Variants in ASPSCR1 observed in about 807,000 individuals in gnomAD.
ASPSCR1 encodes the protein tether containing UBX domain for GLUT4.
In ASPSCR1, 55 loss-of-function variants were observed where a neutral mutation model predicts 68.9. The ratio of observed to expected loss-of-function variants is 0.80; its 90% confidence interval spans 0.64 to 1.00. The LOEUF is 1.00. ASPSCR1 is among the 50% of genes least tolerant of loss of function. The pLI, the probability that ASPSCR1 is intolerant of heterozygous loss-of-function variation, is 0.00. For synonymous variants in ASPSCR1, 352 were observed against 332.6 expected, an observed-to-expected ratio of 1.06 and a Z score of -0.63; for missense variants, 765 against 762.2, an observed-to-expected ratio of 1.00 and a Z score of -0.04.
Position 81,999,608 on chromosome 17 carries a change from C to CA in ASPSCR1, c.933+2763dup. On this transcript the variant is annotated intron_variant, in intron 7 of 15. Transcript: ENST00000306739. This position sits in a 1 kb window ranked among gnomAD's most constrained non-coding sequence, Gnocchi z 4.4. ...TGCCACTGCACTCCAGCCCGGGTGACAGAGTGAAACTCCATCTCAAAAAAA... is the reference window on the plus strand; with the variant it reads ...TGCCACTGCACTCCAGCCCGGGTGACAAGAGTGAAACTCCATCTCAAAAAAA... Among the ~76,000 whole-genome samples the CA allele has an allele frequency of 6.9e-6, 1 of 145,082 alleles. No individual in the cohort carries two copies. Among genetic ancestry groups the CA allele is most frequent in the African/African-American group, 2.6e-5 (1 of 38,958 alleles).
At chr17:82,003,439 C>T (rs575741722) in intron 7 of ASPSCR1, among the ~76,000 whole-genome samples, 59 of 152,372 alleles carry the variant, frequency 3.9e-4, no homozygotes, top group African/African-American at 1.4e-3. Context: ...CAGAGCGAGA[C>T]GCTGTCTCAA....
At position 82,017,033 on chromosome 17, in the gene ASPSCR1, TC is replaced by T. The variant is rs770691166; in HGVS notation, c.1574del (p.Pro525LeufsTer11). 3 of 1,612,064 alleles carry T rather than the reference TC, an allele frequency of 1.9e-6. No individual in the cohort carries two copies. The South Asian group carries it at 3.3e-5, about 18-fold the overall frequency. ...CCAGCTGCTGAGGAGGGGGCGCTGGTCCCCCCTGAGCCCATCCCAGGGACGG... is the reference window on the plus strand; with the variant it reads ...CCAGCTGCTGAGGAGGGGGCGCTGGTCCCCCTGAGCCCATCCCAGGGACGG... Reference protein sequence around the residue: ...SEPAAEEGALVPPEPIPGTAQ... With the variant: ...SEPAAEEGALXPPEPIPGTAQ... On this transcript the variant is annotated frameshift_variant, in exon 15 of 16. Transcript: ENST00000306739. LOFTEE classifies it high-confidence loss of function.
intron 5 of ASPSCR1, among the ~76,000 whole-genome samples, chr17:81,995,717 C>A (rs1037372585): frequency 9.8e-5 from 15 of 152,362 alleles, no homozygotes; most frequent in Admixed American, 9.8e-4. Flanking sequence ...CTCTGCCAGC[C>A]CAGGCCTCAG....
Position 82,015,557 on chromosome 17 carries a change from G to A in ASPSCR1, c.1354-919G>A, listed in dbSNP as rs543909174. 7.0e-5 allele frequency: 50 copies of A among 715,506 alleles called. 1 individual carries two copies. In the South Asian group the frequency reaches 7.6e-4, roughly 11 times the overall value. The allele number at this position is 715,506 out of a possible 1,614,324, so 44.3% of individuals were successfully genotyped here. A position where few individuals can be genotyped will look rare whatever the true frequency, so the allele number is the denominator to read the frequency against. On this transcript the variant is annotated intron_variant, in intron 12 of 15. Coordinates refer to ENST00000306739, the MANE Select transcript of ASPSCR1 (RefSeq NM_024083.4). ...TGAGAACCAGGTGCCTCTCTGCATCGGTGGCCTCTGAGGGAGCCCTCTCGC... is the reference window on the plus strand; with the variant it reads ...TGAGAACCAGGTGCCTCTCTGCATCAGTGGCCTCTGAGGGAGCCCTCTCGC...
chr17:81,990,375 G>A lies in ASPSCR1; in HGVS notation c.375-4446G>A, dbSNP rs1425733540. ...ACAGAGGCTGCACACTGCTGGCTTC[G>A]AGCTTTCCCATTTTCCCTATAGTCT... is the stretch of plus-strand genomic sequence containing the variant. On this transcript the variant is annotated intron_variant, in intron 4 of 15. Transcript: ENST00000306739. This position sits in a 1 kb window ranked among gnomAD's most constrained non-coding sequence, Gnocchi z 4.1. 1.3e-5 allele frequency among the ~76,000 whole-genome samples: 2 copies of A among 152,172 alleles called. No individual in the cohort carries two copies. Among genetic ancestry groups the A allele is most frequent in the Non-Finnish European group, 2.9e-5 (2 of 68,034 alleles).
At chr17:81,996,308 C>G (rs573578597) in intron 6 of ASPSCR1, 112 bp from the exon 7 acceptor site, 2 of 1,210,908 alleles carry the variant, frequency 1.7e-6, no homozygotes, top group Non-Finnish European at 2.1e-6. Context: ...GAGGGTGAAC[C>G]GGGGGCGGGA....
At chr17:81,985,416 A>G in intron 3 of ASPSCR1, 91 bp from the exon 4 acceptor site, 1 of 1,374,550 alleles carries the variant, frequency 7.3e-7, no homozygotes. Flanking sequence ...CGGGGCAGTC[A>G]CCCTCTCTGT....
chr17:82,014,844 G>A (rs952287751), intron 12 of ASPSCR1: 1 of 596,336 alleles, frequency 1.7e-6, no homozygotes. Flanking sequence ...TGGGGCCCCA[G>A]TGTCCTGGGC....
intron 12 of ASPSCR1, chr17:82,015,455 C>T (rs2043090434): frequency 7.0e-7 from 1 of 1,420,150 alleles, no homozygotes; most frequent in African/African-American, 1.4e-5. Context: ...TCCTGGTGTT[C>T]CCGAGTCCTG....
chr17:82,001,377 G>A (rs2042524839), intron 7 of ASPSCR1, among the ~76,000 whole-genome samples: 1 of 152,180 alleles, frequency 6.6e-6, no homozygotes, highest in African/African-American at 2.4e-5. Flanking sequence ...TGGCCAGGGT[G>A]GCCCAGGTCC....
chr17:81,992,236 C>T (rs1045763529), intron 4 of ASPSCR1, among the ~76,000 whole-genome samples: 1 of 152,132 alleles, frequency 6.6e-6, no homozygotes, highest in South Asian at 2.1e-4. Context: ...CAGAGGTCTG[C>T]GTGGGGGAGG....
chr17:82,001,175 C>T (rs1227158062), intron 7 of ASPSCR1, among the ~76,000 whole-genome samples: 7 of 152,266 alleles, frequency 4.6e-5, no homozygotes, highest in East Asian at 3.9e-4. Flanking sequence ...GGGCCTGGAG[C>T]GGGTCATGCA....
chr17:82,013,763 G>A (rs919803102), intron 12 of ASPSCR1: 15 of 153,490 alleles, frequency 9.8e-5, no homozygotes, highest in Non-Finnish European at 1.6e-4. Context: ...AGGCGGCCAG[G>A]AGTGAGGACA....
chr17:81,996,916 A>AGC, intron 7 of ASPSCR1, 70 bp downstream of exon 7: 1 of 1,516,672 alleles, frequency 6.6e-7, no homozygotes. Flanking sequence ...GCGTGGCTTT[A>AGC]GCTGGTCAGC....
intron 7 of ASPSCR1, among the ~76,000 whole-genome samples, chr17:82,000,440 C>T (rs538128259): frequency 8.5e-5 from 13 of 152,284 alleles, no homozygotes; most frequent in African/African-American, 2.9e-4. Context: ...CTGCCTGCCC[C>T]GCGCCTCCCA....
In ASPSCR1 at chr17:81,990,152, TAACTC is replaced by T. The variant is rs2042114105; in HGVS notation, c.374+4547_374+4551del. On this transcript the variant is annotated intron_variant, in intron 4 of 15. Coordinates refer to ENST00000306739, the MANE Select transcript of ASPSCR1 (RefSeq NM_024083.4). The surrounding 1 kb of genome is among the most constrained non-coding windows in gnomAD (Gnocchi z 4.1). Reference sequence around the variant, plus strand: ...CATTAATTTTAGTAATACGTGTAGTTAACTCAGTATACCCAAAATACGACTTCCTG... The same window carrying T: ...CATTAATTTTAGTAATACGTGTAGTTAGTATACCCAAAATACGACTTCCTG... Among the ~76,000 whole-genome samples, 1 of 152,200 alleles carries T rather than the reference TAACTC, an allele frequency of 6.6e-6. No homozygotes were observed.
Position 81,977,825 on chromosome 17 carries a change from G to A in ASPSCR1, c.102+77G>A. On this transcript the variant is annotated intron_variant, in intron 1 of 15. Coordinates refer to ENST00000306739, the MANE Select transcript of ASPSCR1 (RefSeq NM_024083.4). This position sits in a 1 kb window ranked among gnomAD's most constrained non-coding sequence, Gnocchi z 5.0. ...CGAGGCCCCGCCCATTGCGGTCGGC[G>A]TCCCGGTGTTCGGGGGCGGGGCCTC... 1 of 1,113,506 alleles carries A rather than the reference G, an allele frequency of 9.0e-7. No homozygotes were observed. Among genetic ancestry groups the A allele is most frequent in the Non-Finnish European group, 1.1e-6 (1 of 890,264 alleles). The allele number at this position is 1,113,506 out of a possible 1,614,324, so 69.0% of individuals were successfully genotyped here.
chr17:82,005,398 G>A (rs1173836957), intron 7 of ASPSCR1: 3 of 152,156 alleles, frequency 2.0e-5, no homozygotes, highest in African/African-American at 4.8e-5. Flanking sequence ...CCCGTGGGTC[G>A]GCAGGTCTCG....
At chr17:81,994,777 G>C in intron 4 of ASPSCR1, 44 bp from the exon 5 acceptor site, 1 of 1,597,312 alleles carries the variant, frequency 6.3e-7, no homozygotes, top group Non-Finnish European at 8.6e-7. Context: ...GGCACTGGTT[G>C]AGCTGCCCTG....
Sources: allele counts gnomAD v4.1 joint callset (sites outside exome capture counted in the v4.1 genomes callset), GRCh38; gene constraint gnomAD v4.1.1; non-coding constraint Gnocchi (gnomAD v3.1); transcripts MANE v1.5; gene names NCBI Gene and HGNC (gene_info 2026-07-23, HGNC 2026-07-21).